The following GSE1 variants were observed in gnomAD, a reference collection of about 807,000 sequenced individuals.
The protein encoded by GSE1 is genetic suppressor element 1.
GSE1 carries 32 observed loss-of-function variants against 112.6 expected under a neutral mutation model. The observed-to-expected ratio is 0.28, with a 90% confidence interval of 0.21 to 0.38. The LOEUF is 0.38. GSE1 is among the 10% of genes least tolerant of loss of function. The probability of loss-of-function intolerance (pLI) is 1.00; values close to 1 mark genes in which losing one functional copy is unlikely to be tolerated. For synonymous variants in GSE1, 1,115 were observed against 735.6 expected (o/e 1.52, Z -8.35); for missense variants, 2,348 against 1,699.2 (o/e 1.38, Z -6.71).
chr16:85,644,455 A>T (rs2050691591), intron 2 of GSE1, among the ~76,000 whole-genome samples: 1 of 152,162 alleles, frequency 6.6e-6, no homozygotes, highest in African/African-American at 2.4e-5. Flanking sequence ...GTGGGTGGAC[A>T]GAGGCACACA....
upstream of GSE1, among the ~76,000 whole-genome samples, chr16:85,609,019 C>G (rs1490516880): frequency 6.6e-6 from 1 of 152,222 alleles, no homozygotes; most frequent in Non-Finnish European, 1.5e-5. Flanking sequence ...CCATCCTCCG[C>G]CAGGGCTAGG....
chr16:85,650,289 GC>G (rs200181411), intron 3 of GSE1, among the ~76,000 whole-genome samples: 3,895 of 152,230 alleles, frequency 0.026, 96 homozygotes, highest in South Asian at 0.065. Flanking sequence ...GCCCCCCAGG[GC>G]CAGCCTTGAC....
At chr16:85,258,163 C>A (rs948367670) in intron 1 of GSE1, among the ~76,000 whole-genome samples, 1 of 152,214 alleles carries the variant, frequency 6.6e-6, no homozygotes, top group Non-Finnish European at 1.5e-5. Flanking sequence ...CAGCAGGGGC[C>A]TCCTCACGCA....
intron 2 of GSE1, among the ~76,000 whole-genome samples, chr16:85,547,387 G>A (rs957227510): frequency 5.9e-5 from 9 of 152,270 alleles, no homozygotes; most frequent in South Asian, 2.1e-4. Flanking sequence ...TCCAGCACCC[G>A]GGGAATCCAG....
chr16:85,612,064 A>T (rs1166218467), upstream of GSE1, among the ~76,000 whole-genome samples: 1 of 151,880 alleles, frequency 6.6e-6, no homozygotes, highest in Non-Finnish European at 1.5e-5. Context: ...GGGACGCGCT[A>T]GATCAGAGGG....
rs189590297 is a variant in GSE1, at chr16:85,498,387, A to G, written c.2465-135527A>G. On this transcript the variant is annotated intron_variant, in intron 2 of 2. Transcript: ENST00000637419. ...CAGATGAACATATACACACATAGAC[A>G]TGTACACACATGCACATACATCCAG... Among the ~76,000 whole-genome samples, 447 of 152,200 alleles carry G rather than the reference A, an allele frequency of 2.9e-3. 3 individuals carry two copies. The highest frequency in any genetic ancestry group is 0.01 in the African/African-American group (428 of 41,510).
At chr16:85,215,415 T>C (rs982552299) in intron 1 of GSE1, among the ~76,000 whole-genome samples, 1 of 152,000 alleles carries the variant, frequency 6.6e-6, no homozygotes, top group Non-Finnish European at 1.5e-5. Context: ...GGAAGGGTTG[T>C]GGGGGGGCCA....
intron 2 of GSE1, among the ~76,000 whole-genome samples, chr16:85,505,023 G>GC (rs1053638451): frequency 6.6e-6 from 1 of 151,928 alleles, no homozygotes; most frequent in Non-Finnish European, 1.5e-5. Flanking sequence ...ACATGTGCAC[G>GC]CACACACAGC....
intron 8 of GSE1, among the ~76,000 whole-genome samples, chr16:85,659,922 C>G (rs529756168): frequency 7.9e-5 from 12 of 152,336 alleles, no homozygotes; most frequent in African/African-American, 2.9e-4. Context: ...GCAGTTGTGA[C>G]AGGGGCCACT....
intron 2 of GSE1, among the ~76,000 whole-genome samples, chr16:85,415,990 T>C (rs2048694871): frequency 1.3e-5 from 2 of 152,204 alleles, no homozygotes; most frequent in South Asian, 4.1e-4. Context: ...ACACTTTATT[T>C]ATGGCTCACC....
chr16:85,455,499 C>G (rs1455181204), intron 2 of GSE1, among the ~76,000 whole-genome samples: 1 of 152,202 alleles, frequency 6.6e-6, no homozygotes. Flanking sequence ...CCATGGTCCC[C>G]TCCTCACACC....
chr16:85,629,445 T>A (rs1049122540), intron 1 of GSE1, among the ~76,000 whole-genome samples: 1 of 152,102 alleles, frequency 6.6e-6, no homozygotes. Context: ...CGGTAGCATG[T>A]GGTGTGGTTT....
intron 1 of GSE1, among the ~76,000 whole-genome samples, chr16:85,234,909 G>A (rs575871356): frequency 6.6e-6 from 1 of 152,258 alleles, no homozygotes; most frequent in Non-Finnish European, 1.5e-5. Flanking sequence ...GGCTGCCGGC[G>A]CCTTTATCTA....
chr16:85,514,808 G>C (rs2051872051), intron 2 of GSE1, among the ~76,000 whole-genome samples: 2 of 152,292 alleles, frequency 1.3e-5, no homozygotes, highest in South Asian at 4.1e-4. Context: ...GCCCCCAATA[G>C]CTCCTCTCCC....
At chr16:85,232,612 G>A (rs1904298822) in intron 1 of GSE1, among the ~76,000 whole-genome samples, 1 of 152,244 alleles carries the variant, frequency 6.6e-6, no homozygotes, top group Non-Finnish European at 1.5e-5. Flanking sequence ...TCCTGTGTGA[G>A]GACTGGGCAG....
chr16:85,668,047 C>G (rs115958325), intron 13 of GSE1, 93 bp from the exon 14 acceptor site: 2 of 968,852 alleles, frequency 2.1e-6, no homozygotes, highest in East Asian at 2.4e-5. Context: ...GTCATGTTGA[C>G]TCTGCACCAA....
At position 85,317,454 on chromosome 16, in the gene GSE1, C is replaced by G. The variant is rs2046009535; in HGVS notation, c.2284-40009C>G. Among the ~76,000 whole-genome samples the G allele has an allele frequency of 2.0e-5, 3 of 152,164 alleles. No homozygotes were observed. In the South Asian group the frequency reaches 6.2e-4, roughly 32 times the overall value. On this transcript the variant is annotated intron_variant, in intron 1 of 2. Transcript: ENST00000637419. ...AGCCAGCAGCCCCAGGAAGTGAGGA[C>G]AACCCCCCTACGAGTCCCAGCCCCT...
chr16:85,189,048 G>T (rs1290057469), intron 1 of GSE1, among the ~76,000 whole-genome samples: 1 of 152,186 alleles, frequency 6.6e-6, no homozygotes, highest in Non-Finnish European at 1.5e-5. Flanking sequence ...ACGCTCCAGT[G>T]CTGCCGGAAG....
chr16:85,172,458 G>C (rs544078084), intron 1 of GSE1, among the ~76,000 whole-genome samples: 1 of 152,230 alleles, frequency 6.6e-6, no homozygotes, highest in Non-Finnish European at 1.5e-5. Context: ...GGAGGCAGAC[G>C]GGAGGCCTGG....
Sources: gnomAD v4.1 joint callset for allele counts (sites outside exome capture counted in the v4.1 genomes callset) on GRCh38, gnomAD v4.1.1 for gene constraint, MANE v1.5 for transcripts, NCBI Gene and HGNC (gene_info 2026-07-23, HGNC 2026-07-21) for gene names.